The following MAGI3 variants were observed in gnomAD, a reference collection of about 807,000 sequenced individuals.
MAGI3 encodes membrane associated guanylate kinase, WW and PDZ domain containing 3.
In MAGI3, 43 loss-of-function variants were observed where a neutral mutation model predicts 121.8. The observed-to-expected ratio is 0.35, with a 90% CI of 0.28 to 0.46. The LOEUF (loss-of-function observed/expected upper bound fraction) is 0.46. MAGI3 is among the 20% of genes least tolerant of loss of function. The pLI is 1.00. For missense variants in MAGI3, 1,547 were observed against 1,797.3 expected, an observed-to-expected ratio of 0.86 and a Z score of 2.52; for synonymous variants, 553 against 639.3, an observed-to-expected ratio of 0.86 and a Z score of 2.04.
intron 1 of MAGI3, among the ~76,000 whole-genome samples, chr1:113,406,593 CTAA>C (rs570420781): frequency 4.4e-4 from 66 of 151,220 alleles, no homozygotes; most frequent in African/African-American, 1.5e-3. Flanking sequence ...AAAAAATTAT[CTAA>C]TTGAGGCATG....
At chr1:113,558,716 C>A (rs562044237) in intron 2 of MAGI3, among the ~76,000 whole-genome samples, 1 of 152,162 alleles carries the variant, frequency 6.6e-6, no homozygotes, top group African/African-American at 2.4e-5. Context: ...TGCAGAGAAC[C>A]CCAGTAAGAT....
intron 1 of MAGI3, among the ~76,000 whole-genome samples, chr1:113,479,696 T>C (rs1656021136): frequency 6.6e-6 from 1 of 152,182 alleles, no homozygotes; most frequent in Non-Finnish European, 1.5e-5. Context: ...TTTATGCCCC[T>C]TCTCTTTCTC....
At chr1:113,550,961 A>G (rs1276879226) in intron 2 of MAGI3, among the ~76,000 whole-genome samples, 1 of 100,934 alleles carries the variant, frequency 9.9e-6, no homozygotes, top group African/African-American at 2.7e-5. Context: ...CCCAACAAGA[A>G]AAAAAAAAAA....
chr1:113,661,317 A>G (rs923726830), intron 16 of MAGI3, among the ~76,000 whole-genome samples: 7 of 152,246 alleles, frequency 4.6e-5, no homozygotes, highest in African/African-American at 1.4e-4. Context: ...AGTGTGTACT[A>G]TGTGACAGGC....
intron 1 of MAGI3, among the ~76,000 whole-genome samples, chr1:113,494,666 G>C (rs1656831038): frequency 6.6e-6 from 1 of 150,386 alleles, no homozygotes. Flanking sequence ...TCTTTTAAAA[G>C]GTAGCATTCA....
chr1:113,609,152 C>CT (rs777249885), intron 6 of MAGI3, among the ~76,000 whole-genome samples: 5 of 152,286 alleles, frequency 3.3e-5, no homozygotes, highest in Admixed American at 2.0e-4. Context: ...CCTCTCTACA[C>CT]TTTGTCTCCC....
chr1:113,567,646 C>T (rs1001566899), intron 2 of MAGI3, among the ~76,000 whole-genome samples: 2 of 152,018 alleles, frequency 1.3e-5, no homozygotes, highest in African/African-American at 4.8e-5. Context: ...GCCACATTAA[C>T]ATCTCAATAC....
intron 9 of MAGI3, among the ~76,000 whole-genome samples, chr1:113,630,535 A>G (rs762686065): frequency 1.2e-4 from 19 of 152,210 alleles, no homozygotes; most frequent in African/African-American, 1.7e-4. Flanking sequence ...GTCTTTCACC[A>G]TAGTTACCAC....
chr1:113,494,064 A>G (rs960245030), intron 1 of MAGI3, among the ~76,000 whole-genome samples: 1 of 152,204 alleles, frequency 6.6e-6, no homozygotes, highest in Non-Finnish European at 1.5e-5. Context: ...ATAAAGACAC[A>G]TGCACTTATA....
chr1:113,513,712 C>T lies in MAGI3; in HGVS notation c.317-35803C>T, dbSNP rs564284562. Among the ~76,000 whole-genome samples the T allele has an allele frequency of 3.9e-5, 6 of 152,276 alleles. No homozygotes were observed. The South Asian group carries it at 1.0e-3, about 26-fold the overall frequency. On this transcript the variant is annotated intron_variant, in intron 1 of 20. Coordinates refer to ENST00000307546, the MANE Select transcript of MAGI3 (RefSeq NM_001142782.2). ...TAGGCATTACCATTCAGGACCTAGG[C>T]ATGGGCAAGGACTTCATGTCTAAAA...
intron 6 of MAGI3, among the ~76,000 whole-genome samples, chr1:113,609,313 T>A (rs1254479625): frequency 1.3e-5 from 2 of 152,238 alleles, no homozygotes; most frequent in Non-Finnish European, 2.9e-5. Flanking sequence ...TTGTTTACAT[T>A]CTGCTGAACA....
chr1:113,626,758 C>CT (rs907897547), intron 9 of MAGI3, among the ~76,000 whole-genome samples: 22 of 152,288 alleles, frequency 1.4e-4, no homozygotes, highest in Admixed American at 1.4e-3. Context: ...ATAATAGTCT[C>CT]TAACAATCCT....
intron 1 of MAGI3, among the ~76,000 whole-genome samples, chr1:113,461,067 T>A (rs1655009156): frequency 6.6e-6 from 1 of 151,952 alleles, no homozygotes; most frequent in Admixed American, 6.6e-5. Flanking sequence ...AAAACACTCC[T>A]CAAATAAATC....
intron 6 of MAGI3, among the ~76,000 whole-genome samples, chr1:113,596,459 A>T (rs1385815309): frequency 6.6e-6 from 1 of 152,218 alleles, no homozygotes; most frequent in African/African-American, 2.4e-5. Flanking sequence ...GCCACAAAAA[A>T]TATGAACCAT....
chr1:113,450,779 G>A, intron 1 of MAGI3: 1 of 802,756 alleles, frequency 1.2e-6, no homozygotes, highest in South Asian at 1.3e-5. Context: ...AGAGAGCGAG[G>A]AGTTGTCAGG....
At chr1:113,416,422 A>G (rs1427788619) in intron 1 of MAGI3, among the ~76,000 whole-genome samples, 1 of 126,338 alleles carries the variant, frequency 7.9e-6, no homozygotes, top group Non-Finnish European at 1.6e-5. Flanking sequence ...ATTAATAATT[A>G]ATAATATATA....
intron 11 of MAGI3, among the ~76,000 whole-genome samples, chr1:113,645,056 A>G (rs919676125): frequency 1.6e-5 from 2 of 122,506 alleles, no homozygotes; most frequent in Admixed American, 2.1e-4. Context: ...ACAGAGTCTC[A>G]CTCCATCACC....
chr1:113,598,369 T>C (rs1179904696), intron 6 of MAGI3, among the ~76,000 whole-genome samples: 1 of 152,146 alleles, frequency 6.6e-6, no homozygotes, highest in Non-Finnish European at 1.5e-5. Context: ...AAGTGCTCAC[T>C]TGAAAGAAGA....
At chr1:113,458,586 C>T (rs1654884204) in intron 1 of MAGI3, among the ~76,000 whole-genome samples, 1 of 152,198 alleles carries the variant, frequency 6.6e-6, no homozygotes, top group South Asian at 2.1e-4. Context: ...TCATAGCTCC[C>T]TGCAGCCTTG....
Sources: allele counts gnomAD v4.1 joint callset (sites outside exome capture counted in the v4.1 genomes callset), GRCh38; gene constraint gnomAD v4.1.1; transcripts MANE v1.5; gene names NCBI Gene and HGNC (gene_info 2026-07-23, HGNC 2026-07-21).